APBA2: variants seen among roughly 807,000 people sequenced by gnomAD.
APBA2 encodes the protein amyloid-beta A4 precursor protein-binding family A member 2.
APBA2 carries 30 observed loss-of-function variants against 75.0 expected under a neutral mutation model. The observed-to-expected ratio is 0.40, with a 90% confidence interval of 0.30 to 0.54. APBA2 has a LOEUF of 0.54. Ranked by LOEUF, APBA2 falls within the 20% of genes least tolerant of loss-of-function variation. APBA2 has a pLI of 0.49. For synonymous variants in APBA2, 444 were observed against 409.6 expected, an observed-to-expected ratio of 1.08 and a Z score of -1.01; for missense variants, 801 against 1,016.1, an observed-to-expected ratio of 0.79 and a Z score of 2.88.
chr15:28,908,935 C>G (rs1442668794), intron 1 of APBA2, among the ~76,000 whole-genome samples: 14 of 151,696 alleles, frequency 9.2e-5, no homozygotes. Context: ...CCATTAAACA[C>G]TAACTCCTCC....
At chr15:29,099,976 C>T (rs2044038075) in intron 9 of APBA2, among the ~76,000 whole-genome samples, 1 of 152,230 alleles carries the variant, frequency 6.6e-6, no homozygotes, top group South Asian at 2.1e-4. Context: ...CCCTTCCTTT[C>T]CTTTCCCTTC....
chr15:29,049,343 GT>G (rs2041489266), intron 3 of APBA2, among the ~76,000 whole-genome samples: 1 of 152,150 alleles, frequency 6.6e-6, no homozygotes, highest in Admixed American at 6.5e-5. Context: ...TTTCTGATGG[GT>G]TAAATATTTC....
At position 28,991,050 on chromosome 15, in the gene APBA2, G is replaced by A. The variant is rs146130077; in HGVS notation, c.-94-4703G>A. ...CCCAGGAGAAAAATAATACATGCTCGTGTTTATAAATAAGAGTTATGGCAT... is the reference window on the plus strand; with the variant it reads ...CCCAGGAGAAAAATAATACATGCTCATGTTTATAAATAAGAGTTATGGCAT... On this transcript the variant is annotated intron_variant, in intron 2 of 14. Transcript: ENST00000683413. This position sits in a 1 kb window ranked among gnomAD's most constrained non-coding sequence, Gnocchi z 4.7. 6.9e-3 allele frequency among the ~76,000 whole-genome samples: 1,055 copies of A among 152,280 alleles called. 1 individual carries two copies. Among genetic ancestry groups the A allele is most frequent in the Non-Finnish European group, 0.012 (805 of 68,030 alleles).
At chr15:28,967,284 A>C (rs2036788844) in intron 2 of APBA2, among the ~76,000 whole-genome samples, 1 of 152,194 alleles carries the variant, frequency 6.6e-6, no homozygotes, top group Non-Finnish European at 1.5e-5. Context: ...AATCATAACC[A>C]CAATCTAATG....
intron 1 of APBA2, among the ~76,000 whole-genome samples, chr15:28,906,277 A>G (rs2033129041): frequency 1.3e-5 from 2 of 152,238 alleles, no homozygotes; most frequent in African/African-American, 4.8e-5. Flanking sequence ...CATATACACC[A>G]TGGAATACTA....
At chr15:28,893,963 A>G (rs1327099849) in intron 1 of APBA2, 1 of 152,178 alleles carries the variant, frequency 6.6e-6, no homozygotes, top group Non-Finnish European at 1.5e-5. Context: ...ACTTGCCTTG[A>G]CTTCGTCTGG....
At chr15:29,018,816 C>T (rs963354481) in intron 3 of APBA2, among the ~76,000 whole-genome samples, 13 of 152,194 alleles carry the variant, frequency 8.5e-5, no homozygotes, top group Admixed American at 8.5e-4. Context: ...GAGCGATACT[C>T]TGTACCTGAG....
chr15:28,889,796 C>G (rs143558363), intron 1 of APBA2, among the ~76,000 whole-genome samples: 1 of 152,350 alleles, frequency 6.6e-6, no homozygotes, highest in Non-Finnish European at 1.5e-5. Flanking sequence ...TCACTTATTG[C>G]CCACTCCCTG....
chr15:29,116,946 A>G, intron 14 of APBA2, 116 bp from the exon 15 acceptor site: 2 of 1,121,650 alleles, frequency 1.8e-6, no homozygotes, highest in Non-Finnish European at 2.7e-6. Context: ...CCTTCACTCT[A>G]GGAGATGGGC....
At chr15:29,090,306 C>T (rs1460216370) in intron 6 of APBA2, among the ~76,000 whole-genome samples, 3 of 152,190 alleles carry the variant, frequency 2.0e-5, no homozygotes, top group Non-Finnish European at 4.4e-5. Flanking sequence ...ATGGGGCATC[C>T]TTCACACACA....
At chr15:28,947,752 C>T (rs2152716204) in intron 2 of APBA2, among the ~76,000 whole-genome samples, 1 of 152,274 alleles carries the variant, frequency 6.6e-6, no homozygotes, top group African/African-American at 2.4e-5. Flanking sequence ...CTCAAACCAC[C>T]TTGTAAATCT....
intron 6 of APBA2, among the ~76,000 whole-genome samples, chr15:29,076,311 C>T (rs150713523): frequency 4.8e-4 from 73 of 152,228 alleles, no homozygotes; most frequent in African/African-American, 1.5e-3. Context: ...GAACAGTAGA[C>T]GATCTCCTTT....
chr15:28,921,208 G>A (rs1316762153), intron 1 of APBA2, among the ~76,000 whole-genome samples: 2 of 152,174 alleles, frequency 1.3e-5, no homozygotes, highest in Non-Finnish European at 2.9e-5. Context: ...CCTGATGAAT[G>A]TGTTTCATTT....
At position 29,117,595 on chromosome 15, in the gene APBA2, C is replaced by G. The variant is rs1190457892; in HGVS notation, c.*462C>G. On this transcript the variant is annotated 3_prime_UTR_variant, in exon 15 of 15. Transcript: ENST00000683413. ...CCCCACAATGGTCCCAAACAGCTGC[C>G]TCTGCCACTGACTGCAGGGACACGG... 2 of 175,260 alleles carry G rather than the reference C, an allele frequency of 1.1e-5. No homozygotes were observed. The highest frequency in any genetic ancestry group is 2.4e-5 in the Non-Finnish European group (2 of 82,040). 10.9% of individuals were successfully genotyped at this position (175,260 alleles called of 1,614,324 possible).
chr15:29,110,336 A>T (rs2044662207), intron 13 of APBA2, among the ~76,000 whole-genome samples: 1 of 152,108 alleles, frequency 6.6e-6, no homozygotes, highest in Admixed American at 6.5e-5. Context: ...CTGCCTGGCT[A>T]AACCTGGTGA....
intron 1 of APBA2, among the ~76,000 whole-genome samples, chr15:28,906,759 GCTT>G (rs1228943600): frequency 6.6e-6 from 1 of 152,220 alleles, no homozygotes; most frequent in Non-Finnish European, 1.5e-5. Flanking sequence ...ACAACAAGCT[GCTT>G]CTTGTGTGCT....
intron 2 of APBA2, among the ~76,000 whole-genome samples, chr15:28,958,073 G>A (rs1033761295): frequency 6.6e-6 from 1 of 152,192 alleles, no homozygotes; most frequent in Non-Finnish European, 1.5e-5. Context: ...TAGTATTTTC[G>A]ATGCTCCTGG....
intron 10 of APBA2, 196 bp downstream of exon 10, chr15:29,101,980 A>C: frequency 4.6e-6 from 3 of 647,458 alleles, no homozygotes. Context: ...TACTTCTTGA[A>C]ATAGGTTCTT....
chr15:29,004,653 G>A (rs1324239787), intron 3 of APBA2, among the ~76,000 whole-genome samples: 1 of 151,988 alleles, frequency 6.6e-6, no homozygotes, highest in African/African-American at 2.4e-5. Context: ...TCCAGTGTGC[G>A]CCGGAATCTC....
Sources: allele counts gnomAD v4.1 joint callset (sites outside exome capture counted in the v4.1 genomes callset), GRCh38; gene constraint gnomAD v4.1.1; non-coding constraint Gnocchi (gnomAD v3.1); transcripts MANE v1.5; gene names NCBI Gene and HGNC (gene_info 2026-07-23, HGNC 2026-07-21).